Variants in PKHD1 observed in about 807,000 individuals in gnomAD.
PKHD1 encodes fibrocystin.
In PKHD1, 291 loss-of-function variants were observed where a neutral mutation model predicts 412.0. The observed-to-expected ratio is 0.71, with a 90% CI of 0.64 to 0.78. The LOEUF (loss-of-function observed/expected upper bound fraction) is 0.78, where lower values mean the gene tolerates loss of function less well. PKHD1 is among the 30% of genes least tolerant of loss of function. The probability of loss-of-function intolerance (pLI) is 0.00; values close to 1 mark genes in which losing one functional copy is unlikely to be tolerated. For synonymous variants in PKHD1, 1,777 were observed against 1,821.5 expected, an observed-to-expected ratio of 0.98 and a Z score of 0.62; for missense variants, 4,825 against 4,950.7, an observed-to-expected ratio of 0.97 and a Z score of 0.76.
At chr6:51,694,527 G>T (rs867890708) in intron 60 of PKHD1, among the ~76,000 whole-genome samples, 15 of 143,010 alleles carry the variant, frequency 1.0e-4, no homozygotes, top group African/African-American at 3.9e-4. Context: ...CAGATTACAG[G>T]TGCCCGCCAC....
At chr6:51,941,099 C>T (rs1788442514) in intron 36 of PKHD1, among the ~76,000 whole-genome samples, 2 of 151,262 alleles carry the variant, frequency 1.3e-5, no homozygotes, top group African/African-American at 4.8e-5. Flanking sequence ...TCTACTCCCT[C>T]CTTGGCGACT....
At chr6:51,997,561 G>A (rs1196299983) in intron 35 of PKHD1, among the ~76,000 whole-genome samples, 1 of 152,210 alleles carries the variant, frequency 6.6e-6, no homozygotes, top group Non-Finnish European at 1.5e-5. Flanking sequence ...AAAGTTTCTT[G>A]ATGCACAATA....
chr6:51,847,889 G>T lies in PKHD1; in HGVS notation c.7993C>A (p.Leu2665Ile). 2 of 1,613,212 alleles carry T rather than the reference G, an allele frequency of 1.2e-6. No homozygotes were observed. The highest frequency in any genetic ancestry group is 2.2e-5 in the South Asian group (2 of 91,058). Residue 2665 changes from leucine (L) to isoleucine (I), a missense_variant, in exon 50 of 67, where the codon CTC becomes ATC. Leu to Ile is a conservative substitution (Grantham distance 5). Transcript: ENST00000371117. Reference protein sequence around the residue: ...HTDLPPYPDILLRCGSRVGLS... With the variant: ...HTDLPPYPDIILRCGSRVGLS... Reference sequence around the variant, plus strand: ...CCCACTCGACTCCCACATCTTAGGAGGATGTCAGGGTAAGGCGGCAAATCT... The same window carrying T: ...CCCACTCGACTCCCACATCTTAGGATGATGTCAGGGTAAGGCGGCAAATCT...
intron 37 of PKHD1, among the ~76,000 whole-genome samples, chr6:51,920,955 G>A (rs887481543): frequency 7.2e-5 from 11 of 152,132 alleles, no homozygotes; most frequent in African/African-American, 2.2e-4. Flanking sequence ...ATTTCTGTGG[G>A]ATAGGTGGTG....
rs747130302 is a variant in PKHD1, at chr6:52,082,462, C to A, written c.211G>T (p.Ala71Ser). Reference protein sequence around the residue: ...HLVNVNMVVPALRSVPCDVFP... With the variant: ...HLVNVNMVVPSLRSVPCDVFP... ...ACGTCACAGGGAACACTCCGCAGTG[C>A]GGGCACCACCATGTTCACGTTCACC... The change falls in exon 4 of 67, where the codon GCA becomes TCA. Residue 71 changes from alanine (A) to serine (S), a missense_variant. Transcript: ENST00000371117. The A allele has an allele frequency of 6.2e-7, 1 of 1,613,824 alleles. No individual in the cohort carries two copies. Among genetic ancestry groups the A allele is most frequent in the Non-Finnish European group, 8.5e-7 (1 of 1,179,856 alleles).
At chr6:51,925,628 T>A (rs1785458435) in intron 37 of PKHD1, among the ~76,000 whole-genome samples, 1 of 151,990 alleles carries the variant, frequency 6.6e-6, no homozygotes, top group Non-Finnish European at 1.5e-5. Flanking sequence ...GAGACATTGG[T>A]CTTATCTGGT....
chr6:51,920,716 C>G (rs943845007), intron 37 of PKHD1, among the ~76,000 whole-genome samples: 1 of 152,122 alleles, frequency 6.6e-6, no homozygotes, highest in Non-Finnish European at 1.5e-5. Context: ...GCTCTTTGTA[C>G]CTCTGGTAGA....
At chr6:51,888,527 A>G (rs777399579) in intron 43 of PKHD1, among the ~76,000 whole-genome samples, 14 of 151,966 alleles carry the variant, frequency 9.2e-5, no homozygotes, top group Non-Finnish European at 2.1e-4. Context: ...GAGATTTAAT[A>G]AAAAATTCAG....
intron 60 of PKHD1, among the ~76,000 whole-genome samples, chr6:51,702,159 A>ATATATTATATGTATAATATATAATATAT (rs1779494331): frequency 6.8e-6 from 1 of 147,052 alleles, no homozygotes; most frequent in Non-Finnish European, 1.5e-5. Flanking sequence ...TATATATTAT[A>ATATATTATATGTATAATATATAATATAT]TATATTATAT....
chr6:51,899,001 A>C (rs368966652), intron 43 of PKHD1, among the ~76,000 whole-genome samples: 22 of 152,164 alleles, frequency 1.4e-4, no homozygotes, highest in East Asian at 1.9e-4. Flanking sequence ...CAATAACAGG[A>C]TCTGAAATTG....
chr6:51,879,053 A>C (rs1352858882), intron 46 of PKHD1, among the ~76,000 whole-genome samples: 10 of 89,068 alleles, frequency 1.1e-4, no homozygotes, highest in African/African-American at 3.1e-4. Flanking sequence ...AATCCAACTT[A>C]CAAGGGATGT....
intron 60 of PKHD1, among the ~76,000 whole-genome samples, chr6:51,670,630 T>A (rs1222078616): frequency 6.6e-6 from 1 of 152,098 alleles, no homozygotes; most frequent in African/African-American, 2.4e-5. Flanking sequence ...TTCATGCAGT[T>A]TCTTCCTAGT....
intron 60 of PKHD1, chr6:51,722,059 C>T (rs1225975119): frequency 1.9e-6 from 3 of 1,613,354 alleles, no homozygotes; most frequent in South Asian, 1.1e-5. Flanking sequence ...ACATTGAAGG[C>T]TCTCCAAAAA....
intron 50 of PKHD1, among the ~76,000 whole-genome samples, chr6:51,840,034 C>T (rs192718534): frequency 2.0e-5 from 3 of 152,090 alleles, no homozygotes; most frequent in Admixed American, 2.0e-4. Context: ...TACCTCTTAC[C>T]TCCACAACCT....
At chr6:51,625,230 G>A (rs1473027181) in intron 66 of PKHD1, among the ~76,000 whole-genome samples, 2 of 152,160 alleles carry the variant, frequency 1.3e-5, no homozygotes, top group Non-Finnish European at 2.9e-5. Context: ...TGGAGAGAGA[G>A]AGACAGCCAG....
chr6:52,007,563 G>T (rs1799248127), intron 35 of PKHD1, among the ~76,000 whole-genome samples: 1 of 152,166 alleles, frequency 6.6e-6, no homozygotes, highest in South Asian at 2.1e-4. Flanking sequence ...CCAAGCCCAG[G>T]TAGGGTAATC....
At chr6:51,830,313 T>A (rs1289864126) in intron 52 of PKHD1, among the ~76,000 whole-genome samples, 1 of 152,194 alleles carries the variant, frequency 6.6e-6, no homozygotes, top group Non-Finnish European at 1.5e-5. Flanking sequence ...AGGAATCATC[T>A]TTTTTATAAC....
intron 64 of PKHD1, among the ~76,000 whole-genome samples, chr6:51,636,228 A>G (rs1768549705): frequency 6.6e-6 from 1 of 152,126 alleles, no homozygotes; most frequent in Non-Finnish European, 1.5e-5. Context: ...GAGATGAGGG[A>G]AAATAGTGGA....
At chr6:51,942,421 A>ACT (rs1788737051) in intron 36 of PKHD1, among the ~76,000 whole-genome samples, 1 of 151,040 alleles carries the variant, frequency 6.6e-6, no homozygotes, top group African/African-American at 2.4e-5. Flanking sequence ...TGCTTAACTC[A>ACT]CTCTCTATAG....
Sources: gnomAD v4.1 joint callset for allele counts (sites outside exome capture counted in the v4.1 genomes callset) on GRCh38, gnomAD v4.1.1 for gene constraint, MANE v1.5 for transcripts, NCBI Gene and HGNC (gene_info 2026-07-23, HGNC 2026-07-21) for gene names.